Variants in PTPRD observed in about 807,000 individuals in gnomAD.
PTPRD encodes protein tyrosine phosphatase receptor type D.
PTPRD carries 34 observed loss-of-function variants against 214.5 expected under a neutral mutation model. The observed-to-expected ratio is 0.16, with a 90% CI of 0.12 to 0.21. The LOEUF is 0.21. PTPRD is among the 10% of genes least tolerant of loss of function. The pLI, the probability that PTPRD is intolerant of heterozygous loss-of-function variation, is 1.00. For synonymous variants in PTPRD, 1,128 were observed against 845.7 expected (o/e 1.33, Z -5.79); for missense variants, 2,545 against 2,398.7 (o/e 1.06, Z -1.27).
At chr9:9,840,594 G>A (rs571000150) in intron 5 of PTPRD, among the ~76,000 whole-genome samples, 2 of 151,468 alleles carry the variant, frequency 1.3e-5, no homozygotes, top group South Asian at 2.1e-4. Context: ...ATAGTGAATC[G>A]GAAAGAAATG....
At chr9:8,857,795 G>GGTC (rs1359911979) in intron 11 of PTPRD, 2 of 154,922 alleles carry the variant, frequency 1.3e-5, no homozygotes, top group Non-Finnish European at 2.8e-5. Flanking sequence ...AAGCCCCCCT[G>GGTC]GTCGCCGCCG....
At chr9:10,027,459 G>A (rs1475250455) in intron 4 of PTPRD, among the ~76,000 whole-genome samples, 2 of 152,130 alleles carry the variant, frequency 1.3e-5, no homozygotes, top group Admixed American at 1.3e-4. Context: ...CAGTATTTTG[G>A]GTCTGCTAAG....
intron 5 of PTPRD, among the ~76,000 whole-genome samples, chr9:9,836,522 G>T (rs1402780105): frequency 6.6e-6 from 1 of 152,070 alleles, no homozygotes; most frequent in African/African-American, 2.4e-5. Flanking sequence ...GCCAATAATA[G>T]ATATCAGCAT....
Position 8,376,140 on chromosome 9 carries a change from G to T in PTPRD, c.4507-50C>A, listed in dbSNP as rs755310104. 1.9e-6 allele frequency: 3 copies of T among 1,599,518 alleles called. No individual in the cohort carries two copies. In the East Asian group the frequency reaches 6.7e-5, roughly 36 times the overall value. ...AATTCTGTTTTCCAAGCCTCAGGTG[G>T]TAATGATGAATAACAGGGAAGAGGT... On this transcript the variant is annotated intron_variant, in intron 38 of 45. Transcript: ENST00000381196.
chr9:9,267,750 C>A (rs1940699222), intron 9 of PTPRD, among the ~76,000 whole-genome samples: 1 of 150,874 alleles, frequency 6.6e-6, no homozygotes, highest in Non-Finnish European at 1.5e-5. Flanking sequence ...ATGTGATATA[C>A]CACATCAACA....
At chr9:10,109,483 C>A (rs1376124390) in intron 3 of PTPRD, among the ~76,000 whole-genome samples, 1 of 152,200 alleles carries the variant, frequency 6.6e-6, no homozygotes. Flanking sequence ...ATACCTACTA[C>A]TTTAAATAAA....
intron 5 of PTPRD, among the ~76,000 whole-genome samples, chr9:9,924,997 T>A (rs72692740): frequency 6.6e-6 from 1 of 152,090 alleles, no homozygotes; most frequent in Non-Finnish European, 1.5e-5. Flanking sequence ...TACTATAATT[T>A]CTAAATAGTC....
rs76422095 is a variant in PTPRD at position 8,880,387 on chromosome 9, A to G, written c.-104+138310T>C. ...CCCTTAGTGTTACCTGTGGATATCT[A>G]CAGGCACTTGCTTCTACCTTTTCTC... is the stretch of plus-strand genomic sequence containing the variant. On this transcript the variant is annotated intron_variant, in intron 11 of 45. Transcript: ENST00000381196. Among the ~76,000 whole-genome samples, 686 of 152,322 alleles carry G rather than the reference A, an allele frequency of 4.5e-3. 6 individuals carry two copies. Among genetic ancestry groups the G allele is most frequent in the African/African-American group, 0.016 (661 of 41,564 alleles).
At chr9:9,732,904 C>T (rs1174684733) in intron 7 of PTPRD, among the ~76,000 whole-genome samples, 2 of 103,316 alleles carry the variant, frequency 1.9e-5, no homozygotes, top group Admixed American at 8.2e-5. Flanking sequence ...ACAGTGAAAC[C>T]TTGTTTCCAA....
At chr9:9,814,860 C>G (rs1002472812) in intron 5 of PTPRD, among the ~76,000 whole-genome samples, 12 of 141,050 alleles carry the variant, frequency 8.5e-5, no homozygotes, top group Non-Finnish European at 1.4e-4. Flanking sequence ...AGTACAGTGG[C>G]ACGATCACGG....
At chr9:10,148,465 T>C (rs1009731743) in intron 3 of PTPRD, among the ~76,000 whole-genome samples, 4 of 152,150 alleles carry the variant, frequency 2.6e-5, no homozygotes, top group Non-Finnish European at 4.4e-5. Flanking sequence ...TCAATATGAT[T>C]AGGCAGCTCT....
intron 9 of PTPRD, among the ~76,000 whole-genome samples, chr9:9,193,294 C>T (rs1056232436): frequency 7.2e-5 from 11 of 152,102 alleles, no homozygotes; most frequent in Non-Finnish European, 1.0e-4. Context: ...AAAAATCATA[C>T]GCAGAGGAAA....
At chr9:9,359,775 C>T (rs377082203) in intron 9 of PTPRD, among the ~76,000 whole-genome samples, 1 of 151,132 alleles carries the variant, frequency 6.6e-6, no homozygotes, top group African/African-American at 2.4e-5. Context: ...GTTTGATTTT[C>T]ATGCATCTAT....
chr9:8,405,774 C>T (rs2092916428), intron 35 of PTPRD, among the ~76,000 whole-genome samples: 1 of 152,004 alleles, frequency 6.6e-6, no homozygotes, highest in South Asian at 2.1e-4. Flanking sequence ...ATTATGTTAA[C>T]ATAATTTTTA....
At chr9:9,972,449 T>G (rs1182607462) in intron 4 of PTPRD, among the ~76,000 whole-genome samples, 1 of 152,158 alleles carries the variant, frequency 6.6e-6, no homozygotes, top group Non-Finnish European at 1.5e-5. Flanking sequence ...ACATTACTCT[T>G]TTGGGTTAGC....
At chr9:8,788,492 C>G (rs1372296976) in intron 11 of PTPRD, among the ~76,000 whole-genome samples, 1 of 151,960 alleles carries the variant, frequency 6.6e-6, no homozygotes, top group Admixed American at 6.6e-5. Context: ...TCAGGCTGGT[C>G]TCAAACTCCC....
intron 11 of PTPRD, among the ~76,000 whole-genome samples, chr9:8,751,421 A>T (rs199974846): frequency 4.4e-5 from 1 of 22,910 alleles, no homozygotes. Context: ...AAAAGAAAAG[A>T]AAAAAAAATA....
chr9:8,884,186 C>T (rs553119535), intron 11 of PTPRD, among the ~76,000 whole-genome samples: 3 of 152,304 alleles, frequency 2.0e-5, no homozygotes, highest in East Asian at 3.9e-4. Flanking sequence ...TTCCTTCAGC[C>T]AGCACTGAGA....
chr9:8,564,882 AAAAT>A (rs1223516906), intron 14 of PTPRD, among the ~76,000 whole-genome samples: 11 of 152,196 alleles, frequency 7.2e-5, no homozygotes, highest in Admixed American at 2.0e-4. Flanking sequence ...TAATCTAAGC[AAAAT>A]AAATATTAAT....
Sources: gnomAD v4.1 joint callset for allele counts (sites outside exome capture counted in the v4.1 genomes callset) on GRCh38, gnomAD v4.1.1 for gene constraint, MANE v1.5 for transcripts, NCBI Gene and HGNC (gene_info 2026-07-23, HGNC 2026-07-21) for gene names.